SLC24A2: variants seen among roughly 807,000 people sequenced by gnomAD.
SLC24A2 encodes the protein sodium/potassium/calcium exchanger 2.
SLC24A2 carries 36 observed loss-of-function variants against 62.0 expected under a neutral mutation model. The observed-to-expected ratio is 0.58, with a 90% CI of 0.44 to 0.77. The LOEUF is 0.77. Among genes scored for constraint, SLC24A2 ranks in the 30% least tolerant of loss-of-function variants. The pLI is 0.00. For missense variants in SLC24A2, 846 were observed against 817.9 expected (o/e 1.03, Z -0.42); for synonymous variants, 358 against 294.0 (o/e 1.22, Z -2.23).
the SLC24A2 span, among the ~76,000 whole-genome samples, chr9:19,946,358 C>T: frequency 6.6e-6 from 1 of 152,190 alleles, no homozygotes; most frequent in Non-Finnish European, 1.5e-5. Flanking sequence ...ACTAAGTGTG[C>T]TCAGTGACTT....
chr9:19,531,441 A>C (rs1833703870), intron 8 of SLC24A2, among the ~76,000 whole-genome samples: 1 of 152,226 alleles, frequency 6.6e-6, no homozygotes, highest in African/African-American at 2.4e-5. Flanking sequence ...CCTCATACTA[A>C]TTAGCAAATA....
chr9:20,165,278 AT>A, the SLC24A2 span, among the ~76,000 whole-genome samples: 16 of 151,492 alleles, frequency 1.1e-4, no homozygotes, highest in African/African-American at 2.4e-4. Context: ...AATGCTACAA[AT>A]TTTTTTTTCC....
At chr9:19,993,521 G>C in the SLC24A2 span, among the ~76,000 whole-genome samples, 4 of 152,212 alleles carry the variant, frequency 2.6e-5, no homozygotes, top group East Asian at 7.7e-4. Flanking sequence ...AAACTAGAAA[G>C]TTATTCATTC....
At chr9:20,186,143 C>T in the SLC24A2 span, among the ~76,000 whole-genome samples, 3 of 151,870 alleles carry the variant, frequency 2.0e-5, no homozygotes, top group East Asian at 1.9e-4. Context: ...GAGCACATAG[C>T]GTAATAGGGG....
the SLC24A2 span, among the ~76,000 whole-genome samples, chr9:20,027,195 C>T: frequency 6.6e-6 from 1 of 151,954 alleles, no homozygotes; most frequent in East Asian, 1.9e-4. Flanking sequence ...CTTGTACACT[C>T]TTGGTGGGAA....
chr9:19,996,612 G>C, the SLC24A2 span, among the ~76,000 whole-genome samples: 1 of 152,024 alleles, frequency 6.6e-6, no homozygotes, highest in South Asian at 2.1e-4. Flanking sequence ...CATGCTGGCA[G>C]GTGCCTGGAA....
At chr9:19,960,612 G>T in the SLC24A2 span, among the ~76,000 whole-genome samples, 415 of 152,282 alleles carry the variant, frequency 2.7e-3, 1 homozygote, top group African/African-American at 9.3e-3. Flanking sequence ...TGAGAAGAGT[G>T]AGCGACAAAC....
rs532749043 is a variant in SLC24A2 at position 19,547,600 on chromosome 9, C to G, written c.1479+2537G>C. 2.7e-5 allele frequency among the ~76,000 whole-genome samples: 4 copies of G among 147,818 alleles called. 1 individual carries two copies. Among genetic ancestry groups the G allele is most frequent in the African/African-American group, 1.1e-4 (4 of 37,234 alleles). The stretch of plus-strand genomic sequence containing the variant: ...CTTTCTCTGAGAGTTCCTCCCAATT[C>G]TGAGAGTCAAGGGCCTTGACTTACT... On this transcript the variant is annotated intron_variant, in intron 8 of 10. Transcript: ENST00000341998.
chr9:19,802,893 C>G, the SLC24A2 span, among the ~76,000 whole-genome samples: 1 of 152,032 alleles, frequency 6.6e-6, no homozygotes, highest in Non-Finnish European at 1.5e-5. Context: ...AGGGGGTGAT[C>G]AGGTCATGAG....
the SLC24A2 span, among the ~76,000 whole-genome samples, chr9:19,814,196 G>A: frequency 1.1e-4 from 17 of 152,056 alleles, no homozygotes; most frequent in Non-Finnish European, 2.2e-4. Flanking sequence ...ATCTCACACT[G>A]AGAAAGATAA....
the SLC24A2 span, among the ~76,000 whole-genome samples, chr9:20,183,122 C>T: frequency 2.6e-5 from 4 of 152,208 alleles, no homozygotes; most frequent in East Asian, 1.9e-4. Flanking sequence ...CTTAGTGGCT[C>T]GTACCTGGAC....
chr9:19,906,052 T>C, the SLC24A2 span, among the ~76,000 whole-genome samples: 4 of 152,104 alleles, frequency 2.6e-5, no homozygotes, highest in African/African-American at 9.7e-5. Flanking sequence ...CCACACCTAT[T>C]CCAAAACTGA....
intron 4 of SLC24A2, among the ~76,000 whole-genome samples, chr9:19,615,837 C>G (rs1817753602): frequency 1.3e-5 from 2 of 152,144 alleles, no homozygotes; most frequent in African/African-American, 4.8e-5. Context: ...AACCTAGATT[C>G]ACTTTCCCTT....
intron 9 of SLC24A2, among the ~76,000 whole-genome samples, chr9:19,524,450 T>C (rs1008478005): frequency 2.1e-5 from 3 of 145,790 alleles, no homozygotes; most frequent in African/African-American, 5.1e-5. Context: ...GGGCAAATTA[T>C]GTTAAAGCAT....
chr9:19,770,931 T>C (rs1239050082), intron 2 of SLC24A2, among the ~76,000 whole-genome samples: 2 of 152,246 alleles, frequency 1.3e-5, no homozygotes, highest in African/African-American at 2.4e-5. Context: ...GGCCCCTTAC[T>C]AATATTTTTT....
the SLC24A2 span, among the ~76,000 whole-genome samples, chr9:20,284,434 T>C: frequency 6.6e-6 from 1 of 152,074 alleles, no homozygotes; most frequent in African/African-American, 2.4e-5. Flanking sequence ...GGCACAACCA[T>C]GCGCAGCTCA....
At chr9:20,204,636 C>T in the SLC24A2 span, among the ~76,000 whole-genome samples, 2 of 151,974 alleles carry the variant, frequency 1.3e-5, no homozygotes, top group African/African-American at 2.4e-5. Context: ...CCAAACCATG[C>T]CAGTAGTTAC....
At chr9:20,070,480 C>T in the SLC24A2 span, among the ~76,000 whole-genome samples, 49 of 152,254 alleles carry the variant, frequency 3.2e-4, no homozygotes, top group East Asian at 4.6e-3. Context: ...ATTGTTCATA[C>T]GATTGAGTTT....
the SLC24A2 span, among the ~76,000 whole-genome samples, chr9:20,112,994 G>A: frequency 6.6e-6 from 1 of 152,116 alleles, no homozygotes; most frequent in African/African-American, 2.4e-5. Context: ...GTAATTCTGG[G>A]TTCAACTTGT....
Sources: gnomAD v4.1 joint callset for allele counts (sites outside exome capture counted in the v4.1 genomes callset) on GRCh38, gnomAD v4.1.1 for gene constraint, MANE v1.5 for transcripts, NCBI Gene and HGNC (gene_info 2026-07-23, HGNC 2026-07-21) for gene names.